The following CFAP47 variants were observed in gnomAD, a reference collection of about 807,000 sequenced individuals.
CFAP47 encodes cilia- and flagella-associated protein 47.
In CFAP47, 29 loss-of-function variants were observed where a neutral mutation model predicts 148.1. The ratio of observed to expected loss-of-function variants is 0.20; its 90% CI spans 0.15 to 0.27. The LOEUF is 0.27. CFAP47 is among the 10% of genes least tolerant of loss of function. The pLI, the probability that CFAP47 is intolerant of heterozygous loss-of-function variation, is 1.00. For missense variants in CFAP47, 1,872 were observed against 1,697.5 expected, an observed-to-expected ratio of 1.10 and a Z score of -1.81; for synonymous variants, 664 against 577.3, an observed-to-expected ratio of 1.15 and a Z score of -2.15.
At chrX:36,032,490 G>C (rs1358868442) in intron 23 of CFAP47, among the ~76,000 whole-genome samples, 2 of 110,736 alleles carry the variant, frequency 1.8e-5, no homozygotes, top group East Asian at 5.6e-4. Context: ...GTAATTAAAG[G>C]ATATTGTCTA....
intron 15 of CFAP47, among the ~76,000 whole-genome samples, chrX:35,988,103 T>C (rs1936742865): frequency 9.0e-6 from 1 of 111,618 alleles, no homozygotes; most frequent in African/African-American, 3.3e-5. Flanking sequence ...CACCATGATA[T>C]ATGATACCTT....
intron 22 of CFAP47, among the ~76,000 whole-genome samples, chrX:36,026,942 T>C (rs184051251): frequency 2.3e-4 from 25 of 109,187 alleles, no homozygotes; most frequent in African/African-American, 8.2e-4. Flanking sequence ...TCTTCTATCT[T>C]CTCTTGTATT....
intron 15 of CFAP47, chrX:35,986,001 A>G (rs1936709428): frequency 3.4e-6 from 1 of 298,326 alleles, no homozygotes; most frequent in South Asian, 3.4e-5. Flanking sequence ...CTACAGAGCA[A>G]TTAAGGAAAT....
At chrX:35,954,000 A>T (rs1427517256) in intron 7 of CFAP47, among the ~76,000 whole-genome samples, 1 of 110,712 alleles carries the variant, frequency 9.0e-6, no homozygotes, top group Non-Finnish European at 1.9e-5. Flanking sequence ...AGAAAAAAAA[A>T]CCCGGATTTG....
At position 35,966,733 on chromosome X, in the gene CFAP47, G is replaced by T. The variant is rs1163880880; in HGVS notation, c.1579G>T (p.Val527Phe). ...NSICKASTKK[V>F]VMKFDPGILP... ...CATCTGTAAAGCTTCCACCAAGAAA[G>T]TTGTGATGAAATTTGATCCTGGTAT... Residue 527 changes from valine to phenylalanine, a missense_variant, in exon 9 of 64, where the codon GTT (valine) becomes TTT (phenylalanine). Transcript: ENST00000378653. The T allele has an allele frequency of 8.8e-7, 1 of 1,141,525 alleles. No individual in the cohort carries two copies. The highest frequency in any genetic ancestry group is 3.2e-5 in the East Asian group (1 of 31,044). The allele number at this position is 1,141,525 out of a possible 1,213,427, so 94.1% of individuals were successfully genotyped here. A position where few individuals can be genotyped will look rare whatever the true frequency, so the allele number is the denominator to read the frequency against.
At chrX:36,327,777 A>G (rs782165025) in intron 57 of CFAP47, among the ~76,000 whole-genome samples, 34 of 112,426 alleles carry the variant, frequency 3.0e-4, no homozygotes, top group Admixed American at 2.0e-3. Context: ...TCATGCAGCA[A>G]TAAAAAACAA....
chrX:36,378,832 C>T (rs958192521), intron 62 of CFAP47, among the ~76,000 whole-genome samples: 13 of 108,829 alleles, frequency 1.2e-4, no homozygotes, highest in African/African-American at 4.0e-4. Context: ...TGAGCCACTG[C>T]GCTGTGTCTT....
At chrX:36,197,661 C>T (rs782660150) in intron 42 of CFAP47, among the ~76,000 whole-genome samples, 1 of 111,834 alleles carries the variant, frequency 8.9e-6, no homozygotes, top group East Asian at 2.8e-4. Context: ...TGGATTTTTG[C>T]TTGTAAAGTA....
chrX:36,264,308 G>A (rs1940865253), intron 49 of CFAP47, among the ~76,000 whole-genome samples: 1 of 111,225 alleles, frequency 9.0e-6, no homozygotes. Flanking sequence ...CATTGTCTCT[G>A]GGCTAGATCT....
intron 21 of CFAP47, among the ~76,000 whole-genome samples, chrX:36,005,481 C>G (rs1569230413): frequency 8.9e-6 from 1 of 111,943 alleles, no homozygotes. Context: ...CATATTTGTG[C>G]ATTTACCTAG....
chrX:36,258,084 T>C (rs1405303909), intron 49 of CFAP47, among the ~76,000 whole-genome samples: 3 of 112,232 alleles, frequency 2.7e-5, no homozygotes, highest in Non-Finnish European at 5.6e-5. Context: ...AAAATTATTG[T>C]GTTCCTTAAC....
intron 51 of CFAP47, among the ~76,000 whole-genome samples, chrX:36,292,273 G>A (rs1191428967): frequency 1.8e-5 from 2 of 111,422 alleles, no homozygotes; most frequent in South Asian, 3.7e-4. Flanking sequence ...AATGACGATG[G>A]TGTTTCTAAA....
intron 57 of CFAP47, among the ~76,000 whole-genome samples, chrX:36,328,132 G>T (rs1353150672): frequency 1.8e-5 from 2 of 112,025 alleles, no homozygotes; most frequent in Admixed American, 9.4e-5. Context: ...GACTCCTTAT[G>T]TTGAATATAC....
At chrX:36,130,546 C>T (rs1938929037) in intron 33 of CFAP47, among the ~76,000 whole-genome samples, 1 of 110,939 alleles carries the variant, frequency 9.0e-6, no homozygotes, top group South Asian at 3.7e-4. Flanking sequence ...AATTGAGCTG[C>T]AGTTTAATCC....
At chrX:36,115,597 G>A (rs952013055) in intron 33 of CFAP47, among the ~76,000 whole-genome samples, 2 of 111,555 alleles carry the variant, frequency 1.8e-5, no homozygotes, top group East Asian at 2.8e-4. Flanking sequence ...CTGGAGGGTG[G>A]CATGACCATT....
At position 35,961,795 on chromosome X, in the gene CFAP47, CTAACAT is replaced by C. The variant is rs762592708; in HGVS notation, c.1411-4768_1411-4763del. Among the ~76,000 whole-genome samples the C allele has an allele frequency of 3.6e-5, 4 of 110,298 alleles. No individual in the cohort carries two copies. In the South Asian group the frequency reaches 1.5e-3, roughly 42 times the overall value. On this transcript the variant is annotated intron_variant, in intron 8 of 63. Coordinates refer to ENST00000378653, the MANE Select transcript of CFAP47 (RefSeq NM_001304548.2). The stretch of plus-strand genomic sequence containing the variant: ...TAGTTTCAGGACTGTTGATTTTTTC[CTAACAT>C]TTTCTATTATCTTTATTATTTATTA...
At chrX:36,042,837 G>A (rs1184205806) in intron 25 of CFAP47, among the ~76,000 whole-genome samples, 1 of 111,474 alleles carries the variant, frequency 9.0e-6, no homozygotes. Context: ...ATATGGAAGG[G>A]TCAAGGATCA....
intron 57 of CFAP47, among the ~76,000 whole-genome samples, chrX:36,323,503 T>C (rs1941494048): frequency 9.0e-6 from 1 of 111,537 alleles, no homozygotes; most frequent in Non-Finnish European, 1.9e-5. Context: ...TAATTTGCCA[T>C]ATGATGTGAC....
rs149353672 is a variant in CFAP47 at position 36,262,910 on chromosome X, T to G, written c.7444+11466T>G. 1.4e-3 allele frequency among the ~76,000 whole-genome samples: 161 copies of G among 112,239 alleles called. 2 individuals carry two copies. Among genetic ancestry groups the G allele is most frequent in the East Asian group, 1.1e-3 (4 of 3,574 alleles). ...CCTGCCTTTTGGATATAAGCCATGTTGCCTGGGGTGAGATGATATCTCATT... is the reference window on the plus strand; with the variant it reads ...CCTGCCTTTTGGATATAAGCCATGTGGCCTGGGGTGAGATGATATCTCATT... On this transcript the variant is annotated intron_variant, in intron 49 of 63. Coordinates refer to ENST00000378653, the MANE Select transcript of CFAP47 (RefSeq NM_001304548.2).
Sources: gnomAD v4.1 joint callset for allele counts (sites outside exome capture counted in the v4.1 genomes callset) on GRCh38, gnomAD v4.1.1 for gene constraint, MANE v1.5 for transcripts, NCBI Gene and HGNC (gene_info 2026-07-23, HGNC 2026-07-21) for gene names.